NOXO1: variants seen among roughly 807,000 people sequenced by gnomAD.
The protein encoded by NOXO1 is NADPH oxidase regulatory protein.
NOXO1 carries 38 observed loss-of-function variants against 33.3 expected under a neutral mutation model. The observed-to-expected ratio is 1.14, with a 90% CI of 0.88 to 1.50. The LOEUF (loss-of-function observed/expected upper bound fraction) is 1.50, where lower values mean the gene tolerates loss of function less well. Ranked by LOEUF, NOXO1 falls within the 40% of genes most tolerant of loss-of-function variation. NOXO1 has a pLI of 0.00. For synonymous variants in NOXO1, 302 were observed against 237.3 expected, an observed-to-expected ratio of 1.27 and a Z score of -2.51; for missense variants, 675 against 527.1, an observed-to-expected ratio of 1.28 and a Z score of -2.75.
Position 1,981,324 on chromosome 16 carries a change from G to C in NOXO1, c.-145C>G. ...AAGCCTGTGGGGTCCTTGTGGAGCC[G>C]CCCCAGCTGAGTCCTTTGCAGCTTT... On this transcript the variant is annotated 5_prime_UTR_variant, in exon 1 of 8. Coordinates refer to ENST00000356120, the MANE Select transcript of NOXO1 (RefSeq NM_172167.3). 5 of 1,449,040 alleles carry C rather than the reference G, an allele frequency of 3.5e-6. No homozygotes were observed. The highest frequency in any genetic ancestry group is 4.5e-6 in the Non-Finnish European group (5 of 1,103,798). The allele number at this position is 1,449,040 out of a possible 1,614,324, so 89.8% of individuals were successfully genotyped here. A position where few individuals can be genotyped will look rare whatever the true frequency, so the allele number is the denominator to read the frequency against.
chr16:1,979,713 C>T (rs1467752398), intron 6 of NOXO1, 77 bp downstream of exon 6: 1 of 1,291,814 alleles, frequency 7.7e-7, no homozygotes, highest in East Asian at 2.5e-5. Context: ...GCCCGCCCTG[C>T]CCGCGGTGCT....
In NOXO1 at chr16:1,979,637, C is replaced by T; in HGVS notation, c.701-95G>A. On this transcript the variant is annotated intron_variant, in intron 6 of 7. Coordinates refer to ENST00000356120, the MANE Select transcript of NOXO1 (RefSeq NM_172167.3). ...CATTCTCCTTGCTTGAGTCTGCTGA[C>T]GGCGGGGCCGCTCTAAGACCGGTTC... is the stretch of plus-strand genomic sequence containing the variant. 3.1e-6 allele frequency: 4 copies of T among 1,303,748 alleles called. No homozygotes were observed. In the South Asian group the frequency reaches 4.1e-5, roughly 13 times the overall value. 80.8% of individuals were successfully genotyped at this position (1,303,748 alleles called of 1,614,324 possible). A position where few individuals can be genotyped will look rare whatever the true frequency, so the allele number is the denominator to read the frequency against.
rs753146744 is a variant in NOXO1 at position 1,980,527 on chromosome 16, G to C, written c.241C>G (p.Arg81Gly). ...PKLLDAPLLG[R>G]VGRTSRGLAR... Reference sequence around the variant, plus strand: ...AGGCCGCGGCTCGTGCGCCCCACGCGTCCCAACAGTGGTGCATCTTAAGGC... The same window carrying C: ...AGGCCGCGGCTCGTGCGCCCCACGCCTCCCAACAGTGGTGCATCTTAAGGC... Residue 81 changes from arginine (R) to glycine (G), a missense_variant, in exon 4 of 8, where the codon CGC becomes GGC. Transcript: ENST00000356120. 3.2e-5 allele frequency: 51 copies of C among 1,603,388 alleles called. 1 individual carries two copies. In the South Asian group the frequency reaches 5.2e-4, roughly 16 times the overall value.
chr16:1,980,595 G>C (rs772799487), intron 3 of NOXO1, 51 bp from the exon 4 acceptor site: 1 of 1,591,840 alleles, frequency 6.3e-7, no homozygotes, highest in Non-Finnish European at 8.6e-7. Context: ...GGCTTCACTG[G>C]TCCCTGGCGC....
In NOXO1 at chr16:1,978,999, T is replaced by C; in HGVS notation, c.*53A>G. 1 of 1,477,748 alleles carries C rather than the reference T, an allele frequency of 6.8e-7. No homozygotes were observed. Among genetic ancestry groups the C allele is most frequent in the East Asian group, 2.5e-5 (1 of 40,406 alleles). The allele number at this position is 1,477,748 out of a possible 1,614,324, so 91.5% of individuals were successfully genotyped here. On this transcript the variant is annotated 3_prime_UTR_variant, in exon 8 of 8. Transcript: ENST00000356120. ...GGCCAGGGAGATCCGCCCTCCCCGCTCCTCCCCAGCCCTGGGATGGCGCGG... is the reference window on the plus strand; with the variant it reads ...GGCCAGGGAGATCCGCCCTCCCCGCCCCTCCCCAGCCCTGGGATGGCGCGG...
In NOXO1 at chr16:1,980,920, G is replaced by C; in HGVS notation, c.147+19C>G. 6.2e-7 allele frequency: 1 copy of C among 1,608,390 alleles called. No individual in the cohort carries two copies. Among genetic ancestry groups the C allele is most frequent in the Non-Finnish European group, 8.5e-7 (1 of 1,176,570 alleles). On this transcript the variant is annotated intron_variant, in intron 2 of 7. Coordinates refer to ENST00000356120, the MANE Select transcript of NOXO1 (RefSeq NM_172167.3). ...GGGAAGCCGCCACCGCGGCATCAGG[G>C]TGGCCCAGGGTCACTCACCTTGAGC...
At chr16:1,979,715 C>T (rs1371593975) in intron 6 of NOXO1, 75 bp downstream of exon 6, 18 of 1,294,784 alleles carry the variant, frequency 1.4e-5, no homozygotes, top group East Asian at 2.5e-5. Flanking sequence ...CCGCCCTGCC[C>T]GCGGTGCTTC....
Position 1,980,063 on chromosome 16 carries a change from T to C in NOXO1, c.520A>G (p.Thr174Ala). Residue 174 changes from threonine (T) to alanine (A), a missense_variant, in exon 5 of 8, where the codon ACG becomes GCG. Physicochemically the swap from Thr to Ala is moderately conservative, Grantham distance 58 (BLOSUM62 0). Coordinates refer to ENST00000356120, the MANE Select transcript of NOXO1 (RefSeq NM_172167.3). ...TGCGCCTGAAAAGGCCTATCCCGCG[T>C]GTCCTGGGTACAGAAGGGCTGCAGG... ...RCLQPFCTQD[T>A]RDRPFQAQAQ... 1 of 1,607,976 alleles carries C rather than the reference T, an allele frequency of 6.2e-7. No individual in the cohort carries two copies. The highest frequency in any genetic ancestry group is 8.5e-7 in the Non-Finnish European group (1 of 1,178,602).
intron 7 of NOXO1, 35 bp from the exon 8 acceptor site, chr16:1,979,384 G>A: frequency 6.3e-7 from 1 of 1,592,696 alleles, no homozygotes; most frequent in Middle Eastern, 1.7e-4. Context: ...GGCCCCGCCC[G>A]CCTCGGCTAG....
intron 7 of NOXO1, 29 bp downstream of exon 7, chr16:1,979,396 C>T (rs745397449): frequency 2.5e-6 from 4 of 1,600,434 alleles, no homozygotes; most frequent in Non-Finnish European, 3.4e-6. Flanking sequence ...CTCGGCTAGC[C>T]TGCCCTGCCC....
At position 1,979,113 on chromosome 16, in the gene NOXO1, C is replaced by A; in HGVS notation, c.1055G>T (p.Arg352Leu). ...GCACCCTCGAGGGCGGCCCTGGCGCCGTGGGCGCCGCTCCAGGGCCCTGCG... is the reference window on the plus strand; with the variant it reads ...GCACCCTCGAGGGCGGCCCTGGCGCAGTGGGCGCCGCTCCAGGGCCCTGCG... ...VTRRALERRP[R>L]RQGRPRGCVD... The change falls in exon 8 of 8, where the codon CGG becomes CTG. Residue 352 changes from arginine to leucine, a missense_variant. Arg to Leu is a moderately radical substitution (Grantham distance 102, BLOSUM62 -2). Coordinates refer to ENST00000356120, the MANE Select transcript of NOXO1 (RefSeq NM_172167.3). The A allele has an allele frequency of 6.7e-7, 1 of 1,489,834 alleles. No individual in the cohort carries two copies. Among genetic ancestry groups the A allele is most frequent in the Admixed American group, 2.7e-5 (1 of 37,204 alleles). 92.3% of individuals were successfully genotyped at this position (1,489,834 alleles called of 1,614,324 possible).
rs370763326 is a variant in NOXO1 at position 1,980,984 on chromosome 16, G to A, written c.102C>T (p.Ser34=). ...CCCAACTCCTGCGCACGAAGGTGTC[G>A]CTGCCGTCTGACCAGCGCACAGAGA... ...FAFSVRWSDG[S]DTFVRRSWDE... The change falls in exon 2 of 8, where the codon AGC becomes AGT. Residue 34 remains serine, a synonymous_variant. Coordinates refer to ENST00000356120, the MANE Select transcript of NOXO1 (RefSeq NM_172167.3). 3.7e-6 allele frequency: 6 copies of A among 1,613,214 alleles called. No individual in the cohort carries two copies. Among genetic ancestry groups the A allele is most frequent in the South Asian group, 1.1e-5 (1 of 91,088 alleles).
chr16:1,980,405 C>A lies in NOXO1; in HGVS notation c.363G>T (p.Pro121=), dbSNP rs1480841454. Reference sequence around the variant, plus strand: ...GCGCGGGCTCCAGGTCCAGGGGTTGCGGTGCGAAGAAGCCAGTGATCGTCG... The same window carrying A: ...GCGCGGGCTCCAGGTCCAGGGGTTGAGGTGCGAAGAAGCCAGTGATCGTCG... ...RSPTITGFFA[P]QPLDLEPALP... Residue 121 remains proline, a synonymous_variant, in exon 4 of 8, where the codon CCG becomes CCT. Transcript: ENST00000356120. 4 of 1,602,836 alleles carry A rather than the reference C, an allele frequency of 2.5e-6. No individual in the cohort carries two copies. In the African/African-American group the frequency reaches 4.0e-5, roughly 16 times the overall value.
In NOXO1 at chr16:1,979,302, T is replaced by G; in HGVS notation, c.866A>C (p.Glu289Ala). Reference protein sequence around the residue: ...GLLPAVLLRPEGLGALLSGTG... With the variant: ...GLLPAVLLRPAGLGALLSGTG... ...CCCGCTCAGGAGAGCGCCCAGCCCT[T>G]CCGGCCGCAGCAGCACCGCGGGGAG... Residue 289 changes from glutamate to alanine, a missense_variant, in exon 8 of 8, where the codon GAA becomes GCA. By Grantham distance (107) the Glu-to-Ala change is moderately radical. Transcript: ENST00000356120. 1 of 1,566,646 alleles carries G rather than the reference T, an allele frequency of 6.4e-7. No individual in the cohort carries two copies. Among genetic ancestry groups the G allele is most frequent in the South Asian group, 1.2e-5 (1 of 86,912 alleles).
chr16:1,978,955 G>A lies in NOXO1; in HGVS notation c.*97C>T. The A allele has an allele frequency of 1.6e-6, 2 of 1,250,278 alleles. No homozygotes were observed. Among genetic ancestry groups the A allele is most frequent in the Non-Finnish European group, 2.2e-6 (2 of 912,744 alleles). The allele number at this position is 1,250,278 out of a possible 1,614,324, so 77.4% of individuals were successfully genotyped here. A position where few individuals can be genotyped will look rare whatever the true frequency, so the allele number is the denominator to read the frequency against. On this transcript the variant is annotated 3_prime_UTR_variant, in exon 8 of 8. Transcript: ENST00000356120. Reference sequence around the variant, plus strand: ...GCTTTACTCAGAGGAACAGCAAATGGCCCCCTCCCATCCCTGCTGGCCAGG... The same window carrying A: ...GCTTTACTCAGAGGAACAGCAAATGACCCCCTCCCATCCCTGCTGGCCAGG...
chr16:1,980,313 C>T (rs1220480487), intron 4 of NOXO1, 54 bp downstream of exon 4: 1 of 1,563,464 alleles, frequency 6.4e-7, no homozygotes, highest in East Asian at 2.3e-5. Context: ...CACCCTGGAC[C>T]TCTCCCAGCT....
At position 1,978,978 on chromosome 16, in the gene NOXO1, A is replaced by AG. The variant is rs770493166; in HGVS notation, c.*73dup. The AG allele has an allele frequency of 4.9e-4, 681 of 1,382,018 alleles. 1 individual carries two copies. The highest frequency in any genetic ancestry group is 6.3e-4 in the Non-Finnish European group (651 of 1,031,018). 85.6% of individuals were successfully genotyped at this position (1,382,018 alleles called of 1,614,324 possible). ...TGGCCCCCTCCCATCCCTGCTGGCC[A>AG]GGGAGATCCGCCCTCCCCGCTCCTC... is the stretch of plus-strand genomic sequence containing the variant. On this transcript the variant is annotated 3_prime_UTR_variant, in exon 8 of 8. Transcript: ENST00000356120.
At position 1,980,973 on chromosome 16, in the gene NOXO1, A is replaced by C. The variant is rs745479950; in HGVS notation, c.113T>G (p.Val38Gly). 3 of 1,613,180 alleles carry C rather than the reference A, an allele frequency of 1.9e-6. No homozygotes were observed. The highest frequency in any genetic ancestry group is 2.2e-5 in the South Asian group (2 of 91,090). Residue 38 changes from valine to glycine, a missense_variant, in exon 2 of 8, where the codon GTG (valine) becomes GGG (glycine). By Grantham distance (109) the Val-to-Gly change is moderately radical. Transcript: ENST00000356120. ...VRWSDGSDTF[V>G]RRSWDEFRQL... ...CCTGAATTCGTCCCAACTCCTGCGC[A>C]CGAAGGTGTCGCTGCCGTCTGACCA...
chr16:1,980,028 C>G lies in NOXO1; in HGVS notation c.555G>C (p.Glu185Asp). 1.2e-6 allele frequency: 2 copies of G among 1,606,602 alleles called. No individual in the cohort carries two copies. Among genetic ancestry groups the G allele is most frequent in the East Asian group, 4.5e-5 (2 of 44,656 alleles). The change falls in exon 5 of 8, where the codon GAG becomes GAC. Residue 185 changes from glutamate (E) to aspartate (D), a missense_variant. Transcript: ENST00000356120. Reference sequence around the variant, plus strand: ...GGTGCCGCAGCAGCACGTCCAGGCTCTCCTGGGCCTGCGCCTGAAAAGGCC... The same window carrying G: ...GGTGCCGCAGCAGCACGTCCAGGCTGTCCTGGGCCTGCGCCTGAAAAGGCC... ...RDRPFQAQAQ[E>D]SLDVLLRHPS...
Sources: allele counts gnomAD v4.1 joint callset, GRCh38; gene constraint gnomAD v4.1.1; transcripts MANE v1.5; gene names NCBI Gene and HGNC (gene_info 2026-07-23, HGNC 2026-07-21).